The following UBE3A variants were observed in gnomAD, a reference collection of about 807,000 sequenced individuals.
UBE3A encodes the protein ubiquitin protein ligase E3A, also known as ubiquitin-protein ligase E3A.
In UBE3A, 6 loss-of-function variants were observed where a neutral mutation model predicts 83.4. That is an observed-to-expected ratio of 0.07 (90% CI 0.04 to 0.14). The LOEUF is 0.14. UBE3A is among the 10% of genes least tolerant of loss of function. The probability of loss-of-function intolerance (pLI) is 1.00; values close to 1 mark genes in which losing one functional copy is unlikely to be tolerated. For missense variants in UBE3A, 456 were observed against 1,036.1 expected (o/e 0.44, Z 7.69); for synonymous variants, 337 against 355.4 (o/e 0.95, Z 0.58).
chr15:25,383,863 G>T (rs2082623449), intron 4 of UBE3A, among the ~76,000 whole-genome samples: 1 of 151,892 alleles, frequency 6.6e-6, no homozygotes, highest in African/African-American at 2.4e-5. Flanking sequence ...GCAAGAAAAA[G>T]AAATGAAAGG....
intron 1 of UBE3A, among the ~76,000 whole-genome samples, chr15:25,430,659 T>C (rs2153182552): frequency 6.6e-6 from 1 of 152,112 alleles, no homozygotes; most frequent in African/African-American, 2.4e-5. Context: ...CTGAAAGAAC[T>C]AGAAAGTAGT....
At chr15:25,388,357 A>G (rs2083577927) in intron 4 of UBE3A, among the ~76,000 whole-genome samples, 1 of 152,226 alleles carries the variant, frequency 6.6e-6, no homozygotes, top group South Asian at 2.1e-4. Context: ...TCAACAGACT[A>G]AAGAAGAAAA....
At chr15:25,433,163 A>G (rs1893955681) in intron 1 of UBE3A, among the ~76,000 whole-genome samples, 1 of 152,058 alleles carries the variant, frequency 6.6e-6, no homozygotes, top group Admixed American at 6.6e-5. Flanking sequence ...TTCACACACT[A>G]AAAATTCCCC....
chr15:25,347,699 C>T (rs1433225386), intron 11 of UBE3A, among the ~76,000 whole-genome samples: 1 of 151,754 alleles, frequency 6.6e-6, no homozygotes, highest in East Asian at 1.9e-4. Context: ...GACTGTGTCT[C>T]GAAACAAAAA....
chr15:25,411,217 A>G (rs1596311921), intron 2 of UBE3A, among the ~76,000 whole-genome samples: 1 of 152,332 alleles, frequency 6.6e-6, no homozygotes, highest in African/African-American at 2.4e-5. Flanking sequence ...TAGAACTAGG[A>G]TAATAGTACC....
At chr15:25,390,274 C>A (rs199556494) in intron 4 of UBE3A, among the ~76,000 whole-genome samples, 1 of 152,098 alleles carries the variant, frequency 6.6e-6, no homozygotes, top group East Asian at 1.9e-4. Flanking sequence ...ACCATAAGAT[C>A]CAGCAATTGC....
intron 1 of UBE3A, among the ~76,000 whole-genome samples, chr15:25,420,918 CAAAT>C (rs1172479651): frequency 5.3e-5 from 8 of 152,082 alleles, no homozygotes; most frequent in East Asian, 1.9e-4. Context: ...TGTCCACTGA[CAAAT>C]AAATAAATAA....
rs773568367 is a variant in UBE3A at position 25,370,087 on chromosome 15, G to C, written c.1608+479C>G. On this transcript the variant is annotated intron_variant, in intron 6 of 12. Transcript: ENST00000648336. The surrounding 1 kb of genome is among the most constrained non-coding windows in gnomAD (Gnocchi z 4.2). ...TCAACTCTTACTGGCAACAGGCACT[G>C]ATCTGCCATGGTCACTTCATCAAGT... Among the ~76,000 whole-genome samples the C allele has an allele frequency of 6.6e-6, 1 of 152,178 alleles. No homozygotes were observed. Among genetic ancestry groups the C allele is most frequent in the Non-Finnish European group, 1.5e-5 (1 of 68,028 alleles).
intron 4 of UBE3A, among the ~76,000 whole-genome samples, chr15:25,396,565 G>A (rs543241815): frequency 7.9e-5 from 12 of 152,276 alleles, no homozygotes; most frequent in African/African-American, 2.9e-4. Context: ...CAAAGTTGTA[G>A]TGAGCTCTGA....
intron 9 of UBE3A, 35 bp downstream of exon 9, chr15:25,355,853 TAATG>T: frequency 7.6e-6 from 12 of 1,579,808 alleles, no homozygotes; most frequent in Non-Finnish European, 1.0e-5. Context: ...TTGAAAGTGT[TAATG>T]AAGAGACAAA....
At chr15:25,419,080 G>C (rs1888422309) in intron 1 of UBE3A, 1 of 152,072 alleles carries the variant, frequency 6.6e-6, no homozygotes, top group South Asian at 2.1e-4. Context: ...AGCTCTCCTT[G>C]CCAATCCCTG....
intron 4 of UBE3A, among the ~76,000 whole-genome samples, chr15:25,384,354 G>A (rs181204225): frequency 1.1e-4 from 17 of 151,634 alleles, no homozygotes; most frequent in Admixed American, 3.3e-4. Flanking sequence ...CCAGCCACTC[G>A]GGAGGCTGAG....
At chr15:25,438,140 G>A (rs1349242355) in intron 1 of UBE3A, 2 of 152,284 alleles carry the variant, frequency 1.3e-5, no homozygotes, top group Non-Finnish European at 2.9e-5. Flanking sequence ...GAAAGGGCCT[G>A]CCCTTCCCTG....
chr15:25,437,537 T>C (rs1229487881), intron 1 of UBE3A, among the ~76,000 whole-genome samples: 1 of 152,212 alleles, frequency 6.6e-6, no homozygotes, highest in Non-Finnish European at 1.5e-5. Flanking sequence ...TCCACATTTC[T>C]TCATGATTGA....
chr15:25,354,504 T>G (rs1212538931), intron 10 of UBE3A, 24 bp downstream of exon 10: 2 of 1,613,796 alleles, frequency 1.2e-6, no homozygotes, highest in Non-Finnish European at 8.5e-7. Context: ...ATACATGACT[T>G]TTTGCAGACA....
At chr15:25,398,771 TTATATATATATATATATATATA>T (rs1159969391) in intron 4 of UBE3A, among the ~76,000 whole-genome samples, 5,068 of 69,028 alleles carry the variant, frequency 0.073, 646 homozygotes, top group African/African-American at 0.22. Flanking sequence ...ATTCTTTTAT[TTATATATATATATATATATATA>T]TATATATATA....
chr15:25,346,088 T>A (rs912665137), intron 11 of UBE3A: 3 of 152,222 alleles, frequency 2.0e-5, no homozygotes, highest in Non-Finnish European at 4.4e-5. Context: ...CCTGCAAGTG[T>A]TCCACAGCCC....
Position 25,371,054 on chromosome 15 carries a change from T to C in UBE3A, c.1120A>G (p.Met374Val), listed in dbSNP as rs1161621785. ...AIVAASKCLK[M>V]VYYANVVGGE... ...CCCACTACATTTGCATAGTAAACCA[T>C]TTTCAAGCACTTCGAAGCAGCAACA... Residue 374 changes from methionine to valine, a missense_variant, in exon 6 of 13, where the codon ATG (methionine) becomes GTG (valine). Met to Val is a conservative substitution (Grantham distance 21). Transcript: ENST00000648336. This position sits in a 1 kb window ranked among gnomAD's most constrained non-coding sequence, Gnocchi z 5.3. 4 of 1,614,008 alleles carry C rather than the reference T, an allele frequency of 2.5e-6. No homozygotes were observed. The South Asian group carries it at 4.4e-5, about 18-fold the overall frequency.
At chr15:25,349,801 T>C (rs1326830328) in intron 11 of UBE3A, among the ~76,000 whole-genome samples, 1 of 152,114 alleles carries the variant, frequency 6.6e-6, no homozygotes, top group African/African-American at 2.4e-5. Context: ...AAAATAAGGG[T>C]TACTTGAACA....
Sources: gnomAD v4.1 joint callset for allele counts (sites outside exome capture counted in the v4.1 genomes callset) on GRCh38, gnomAD v4.1.1 for gene constraint, Gnocchi (gnomAD v3.1) non-coding constraint, MANE v1.5 for transcripts, NCBI Gene and HGNC (gene_info 2026-07-23, HGNC 2026-07-21) for gene names.